CBFA2T2: variants seen among roughly 807,000 people sequenced by gnomAD.
CBFA2T2 encodes protein CBFA2T2.
In CBFA2T2, 11 loss-of-function variants were observed where a neutral mutation model predicts 62.2. The ratio of observed to expected loss-of-function variants is 0.18; its 90% CI spans 0.11 to 0.29. CBFA2T2 has a LOEUF of 0.29. CBFA2T2 is among the 10% of genes least tolerant of loss of function. The pLI, the probability that CBFA2T2 is intolerant of heterozygous loss-of-function variation, is 1.00. For synonymous variants in CBFA2T2, 295 were observed against 287.5 expected, an observed-to-expected ratio of 1.03 and a Z score of -0.27; for missense variants, 592 against 774.1, an observed-to-expected ratio of 0.76 and a Z score of 2.79.
chr20:33,493,508 C>CT lies in CBFA2T2; in HGVS notation c.34+3214dup, dbSNP rs556713971. Among the ~76,000 whole-genome samples, 170 of 152,162 alleles carry CT rather than the reference C, an allele frequency of 1.1e-3. 1 individual carries two copies. Among genetic ancestry groups the CT allele is most frequent in the African/African-American group, 3.5e-3 (147 of 41,516 alleles). On this transcript the variant is annotated intron_variant, in intron 1 of 10. Coordinates refer to ENST00000342704, the MANE Select transcript of CBFA2T2 (RefSeq NM_001032999.3). ...CTGTGGCCTCACATGTTTGTTTTTT[C>CT]TTTTTTTAAAACTGAGGTGGGGTCT...
chr20:33,636,518 A>AT (rs940511252), intron 8 of CBFA2T2, 122 bp from the exon 9 acceptor site: 4 of 692,780 alleles, frequency 5.8e-6, no homozygotes, highest in Non-Finnish European at 9.7e-6. Flanking sequence ...TTATATGAGA[A>AT]TTTTTTTATA....
At chr20:33,535,166 G>T (rs2012171920) in intron 1 of CBFA2T2, among the ~76,000 whole-genome samples, 1 of 152,260 alleles carries the variant, frequency 6.6e-6, no homozygotes. Context: ...GGCTGTGGTT[G>T]CCTTTCTGAG....
rs2015921073 is a variant in CBFA2T2 at position 33,620,642 on chromosome 20, C to A, written c.510+1036C>A. Reference sequence around the variant, plus strand: ...ATTACCTGAGGTCAGGAGTTAGAGACCAGCCTGACTAATGTGGTGAAACCC... The same window carrying A: ...ATTACCTGAGGTCAGGAGTTAGAGAACAGCCTGACTAATGTGGTGAAACCC... On this transcript the variant is annotated intron_variant, in intron 4 of 10. Transcript: ENST00000342704. 2.0e-5 allele frequency among the ~76,000 whole-genome samples: 3 copies of A among 152,260 alleles called. No individual in the cohort carries two copies. The South Asian group carries it at 6.2e-4, about 32-fold the overall frequency.
intron 1 of CBFA2T2, among the ~76,000 whole-genome samples, chr20:33,563,225 A>C (rs1046452187): frequency 3.9e-4 from 59 of 152,198 alleles, no homozygotes; most frequent in African/African-American, 1.3e-3. Flanking sequence ...TTTTCTTGCT[A>C]CATATAAAAT....
chr20:33,618,304 G>A (rs1176873027), intron 3 of CBFA2T2: 2 of 151,950 alleles, frequency 1.3e-5, no homozygotes, highest in Non-Finnish European at 2.9e-5. Context: ...CTCTTTCTGG[G>A]GAGCAAGCAG....
At chr20:33,538,799 A>G (rs887451269) in intron 1 of CBFA2T2, among the ~76,000 whole-genome samples, 3 of 140,446 alleles carry the variant, frequency 2.1e-5, no homozygotes, top group East Asian at 2.2e-4. Flanking sequence ...GTCCTTTTCA[A>G]TTTTCTTTTG....
intron 2 of CBFA2T2, among the ~76,000 whole-genome samples, chr20:33,610,878 G>C (rs2015497612): frequency 6.6e-6 from 1 of 152,076 alleles, no homozygotes; most frequent in Non-Finnish European, 1.5e-5. Context: ...TTATTGCTCT[G>C]GGAGCACTCT....
At chr20:33,610,790 A>C (rs1404204802) in intron 2 of CBFA2T2, among the ~76,000 whole-genome samples, 4 of 152,164 alleles carry the variant, frequency 2.6e-5, no homozygotes, top group African/African-American at 9.7e-5. Flanking sequence ...ACCCATCTCA[A>C]GCACTACCTG....
chr20:33,497,913 G>T (rs2146844709), intron 1 of CBFA2T2, among the ~76,000 whole-genome samples: 2 of 152,120 alleles, frequency 1.3e-5, no homozygotes, highest in Middle Eastern at 3.4e-3. Flanking sequence ...TAATTACTGG[G>T]TTCCAATGAT....
At chr20:33,635,278 T>C (rs2016595810) in intron 8 of CBFA2T2, among the ~76,000 whole-genome samples, 1 of 152,170 alleles carries the variant, frequency 6.6e-6, no homozygotes, top group Non-Finnish European at 1.5e-5. Context: ...TTTCAAAAAA[T>C]GCACCTCCTG....
intron 1 of CBFA2T2, 29 bp downstream of exon 1, chr20:33,490,330 A>AT (rs756908732): frequency 1.6e-4 from 203 of 1,276,618 alleles, no homozygotes; most frequent in Non-Finnish European, 2.0e-4. Context: ...CGGGCGGCCG[A>AT]GGGGGGCGTG....
intron 1 of CBFA2T2, among the ~76,000 whole-genome samples, chr20:33,578,424 T>C (rs1313906278): frequency 6.6e-6 from 1 of 152,210 alleles, no homozygotes; most frequent in East Asian, 1.9e-4. Flanking sequence ...AGAACCATAA[T>C]GAAGGGAATT....
At chr20:33,548,967 T>C (rs947995250) in intron 1 of CBFA2T2, among the ~76,000 whole-genome samples, 3 of 147,226 alleles carry the variant, frequency 2.0e-5, no homozygotes, top group African/African-American at 7.9e-5. Context: ...TGTCCATCTG[T>C]CCATCCGTCC....
intron 1 of CBFA2T2, among the ~76,000 whole-genome samples, chr20:33,545,121 A>G (rs2012516097): frequency 6.6e-6 from 1 of 152,024 alleles, no homozygotes; most frequent in African/African-American, 2.4e-5. Flanking sequence ...ATTTTTTGGT[A>G]TGTGTAATTC....
intron 1 of CBFA2T2, among the ~76,000 whole-genome samples, chr20:33,532,287 C>G (rs1430938913): frequency 6.6e-6 from 1 of 152,104 alleles, no homozygotes; most frequent in Non-Finnish European, 1.5e-5. Flanking sequence ...GTTTTGAGAG[C>G]AGAAAAGTGT....
At chr20:33,498,472 C>T (rs1206969207) in intron 1 of CBFA2T2, among the ~76,000 whole-genome samples, 11 of 151,080 alleles carry the variant, frequency 7.3e-5, no homozygotes, top group Non-Finnish European at 1.3e-4. Context: ...AGGCTGGTCT[C>T]GAACTCCTGA....
intron 8 of CBFA2T2, among the ~76,000 whole-genome samples, chr20:33,636,388 A>G (rs2016632793): frequency 6.6e-6 from 1 of 152,218 alleles, no homozygotes. Flanking sequence ...TAAAAAGAAG[A>G]AAGTGAAGAT....
At chr20:33,534,455 G>A (rs2012146491) in intron 1 of CBFA2T2, among the ~76,000 whole-genome samples, 1 of 152,132 alleles carries the variant, frequency 6.6e-6, no homozygotes, top group African/African-American at 2.4e-5. Flanking sequence ...TGGGACTACA[G>A]GCACGCGCCA....
At position 33,646,045 on chromosome 20, in the gene CBFA2T2, C is replaced by G. The variant is rs1278553095; in HGVS notation, c.*1399C>G. On this transcript the variant is annotated 3_prime_UTR_variant, in exon 11 of 11. Transcript: ENST00000342704. The stretch of plus-strand genomic sequence containing the variant: ...TTAACACAAAGTCTCACTCTGTTGC[C>G]CAGGCTGGAGTGCAGTGGCATGATC... 1 of 152,044 alleles carries G rather than the reference C, an allele frequency of 6.6e-6. No individual in the cohort carries two copies. The highest frequency in any genetic ancestry group is 2.4e-5 in the African/African-American group (1 of 41,374). 9.4% of individuals were successfully genotyped at this position (152,044 alleles called of 1,614,324 possible).
Sources: allele counts gnomAD v4.1 joint callset (sites outside exome capture counted in the v4.1 genomes callset), GRCh38; gene constraint gnomAD v4.1.1; transcripts MANE v1.5; gene names NCBI Gene and HGNC (gene_info 2026-07-23, HGNC 2026-07-21).